ANK3: variants seen among roughly 807,000 people sequenced by gnomAD.
The protein encoded by ANK3 is ankyrin 3.
In ANK3, 57 loss-of-function variants were observed where a neutral mutation model predicts 370.9. That is an observed-to-expected ratio of 0.15 (90% CI 0.12 to 0.19). ANK3 has a LOEUF of 0.19. ANK3 is among the 10% of genes least tolerant of loss of function. The probability of loss-of-function intolerance (pLI) is 1.00; values close to 1 mark genes in which losing one functional copy is unlikely to be tolerated. For missense variants in ANK3, 4,439 were observed against 5,302.1 expected (o/e 0.84, Z 5.06); for synonymous variants, 1,929 against 1,946.3 (o/e 0.99, Z 0.23).
intron 2 of ANK3, among the ~76,000 whole-genome samples, chr10:60,576,202 T>A (rs949277848): frequency 6.6e-6 from 1 of 152,212 alleles, no homozygotes; most frequent in East Asian, 1.9e-4. Flanking sequence ...TGGATTATAA[T>A]GTTCCCACAC....
chr10:60,070,858 A>G lies in ANK3; in HGVS notation c.10023T>C (p.Asp3341=), dbSNP rs1368608421. 5.0e-6 allele frequency: 8 copies of G among 1,613,996 alleles called. No individual in the cohort carries two copies. The South Asian group carries it at 7.7e-5, about 16-fold the overall frequency. ...AAGCTTTGGGTTTTTCTTTTTGTTC[A>G]TCGTCCACTTCCTTTAATTTGAAGG... The part of the protein sequence containing the change: ...KYTFKLKEVD[D]EQKEKPKASA... Residue 3341 remains aspartate, a synonymous_variant, in exon 37 of 44, where the codon GAT becomes GAC. Transcript: ENST00000280772. The surrounding 1 kb of genome is among the most constrained non-coding windows in gnomAD (Gnocchi z 5.7).
intron 42 of ANK3, chr10:60,043,614 C>T (rs2076478725): frequency 5.1e-5 from 50 of 985,298 alleles, no homozygotes; most frequent in Non-Finnish European, 5.9e-5. Context: ...GCAGAACATA[C>T]TGGAAAGAGA....
At chr10:60,046,944 C>CT in intron 42 of ANK3, among the ~76,000 whole-genome samples, 1 of 151,820 alleles carries the variant, frequency 6.6e-6, no homozygotes, top group East Asian at 1.9e-4. Flanking sequence ...GTAGCTGGGA[C>CT]TACAGGCGCC....
intron 2 of ANK3, among the ~76,000 whole-genome samples, chr10:60,425,720 C>T (rs1474532798): frequency 1.3e-5 from 2 of 152,116 alleles, no homozygotes; most frequent in Non-Finnish European, 2.9e-5. Flanking sequence ...ATGGGCTCCT[C>T]TGGCATGACA....
intron 40 of ANK3, 90 bp downstream of exon 40, chr10:60,063,021 G>C (rs1199588253): frequency 1.8e-5 from 23 of 1,306,928 alleles, no homozygotes; most frequent in African/African-American, 4.4e-5. Context: ...GCAAATCACA[G>C]TTTAGTTGCT....
intron 2 of ANK3, among the ~76,000 whole-genome samples, chr10:60,572,180 G>A (rs939180517): frequency 3.3e-5 from 5 of 152,150 alleles, no homozygotes; most frequent in Admixed American, 2.6e-4. Context: ...TAATTAGGAC[G>A]TGTTTACTTA....
At chr10:60,674,297 G>T (rs1225369182) in intron 1 of ANK3, among the ~76,000 whole-genome samples, 1 of 152,048 alleles carries the variant, frequency 6.6e-6, no homozygotes, top group Non-Finnish European at 1.5e-5. Flanking sequence ...AAGAAAAGAG[G>T]TTTATTTGGC....
chr10:60,212,631 C>T (rs2096874652), intron 9 of ANK3, among the ~76,000 whole-genome samples: 2 of 152,126 alleles, frequency 1.3e-5, no homozygotes, highest in African/African-American at 4.8e-5. Context: ...CCATCTCAAC[C>T]CTGTCTAGCC....
intron 1 of ANK3, among the ~76,000 whole-genome samples, chr10:60,674,631 T>A (rs1264503869): frequency 2.0e-5 from 3 of 152,052 alleles, no homozygotes; most frequent in African/African-American, 7.2e-5. Flanking sequence ...GAGACAAACA[T>A]CCAAACCATA....
At chr10:60,258,859 C>A (rs1294475504) in intron 7 of ANK3, among the ~76,000 whole-genome samples, 1 of 152,206 alleles carries the variant, frequency 6.6e-6, no homozygotes, top group Non-Finnish European at 1.5e-5. Flanking sequence ...CCCCCCAAGA[C>A]AAAGGGTGCT....
chr10:60,498,646 C>A (rs1189474269), intron 2 of ANK3, among the ~76,000 whole-genome samples: 1 of 152,212 alleles, frequency 6.6e-6, no homozygotes, highest in African/African-American at 2.4e-5. Flanking sequence ...CCATCTTGGC[C>A]TCCCAAAGTG....
At chr10:60,592,338 G>A (rs754783063) in intron 2 of ANK3, among the ~76,000 whole-genome samples, 1 of 152,164 alleles carries the variant, frequency 6.6e-6, no homozygotes, top group Non-Finnish European at 1.5e-5. Context: ...GAATGTATAG[G>A]ACAATGAATT....
chr10:60,389,729 C>A lies in ANK3; in HGVS notation c.-191G>T. 1 of 1,427,028 alleles carries A rather than the reference C, an allele frequency of 7.0e-7. No individual in the cohort carries two copies. The highest frequency in any genetic ancestry group is 9.1e-7 in the Non-Finnish European group (1 of 1,096,748). 88.4% of individuals were successfully genotyped at this position (1,427,028 alleles called of 1,614,324 possible). A position where few individuals can be genotyped will look rare whatever the true frequency, so the allele number is the denominator to read the frequency against. On this transcript the variant is annotated 5_prime_UTR_variant, in exon 1 of 44. Transcript: ENST00000280772. ...CTTTTAAAAACCCAAATGATGGTGT[C>A]CGGACTTCATCCTACACCTTCCTCT...
At chr10:60,724,639 TC>T (rs1378940411) in intron 1 of ANK3, among the ~76,000 whole-genome samples, 1 of 152,226 alleles carries the variant, frequency 6.6e-6, no homozygotes, top group African/African-American at 2.4e-5. Flanking sequence ...GTCTCTATTA[TC>T]CAAAACGCAA....
intron 25 of ANK3, among the ~76,000 whole-genome samples, chr10:60,119,256 C>T (rs1194469010): frequency 6.6e-6 from 1 of 152,190 alleles, no homozygotes; most frequent in Non-Finnish European, 1.5e-5. Flanking sequence ...TTCAATGGAA[C>T]CTACGGTTTT....
At position 60,650,202 on chromosome 10, in the gene ANK3, G is replaced by A. The variant is rs867923338; in HGVS notation, c.58-34978C>T. 2.0e-5 allele frequency among the ~76,000 whole-genome samples: 3 copies of A among 152,220 alleles called. 1 individual carries two copies. The highest frequency in any genetic ancestry group is 4.2e-4 in the South Asian group (2 of 4,812). ...GAAGGGATCAACAAACAGTGGCAAGGGGCCAAATCCAGCCTGTTACCTGTT... is the reference window on the plus strand; with the variant it reads ...GAAGGGATCAACAAACAGTGGCAAGAGGCCAAATCCAGCCTGTTACCTGTT... On this transcript the variant is annotated intron_variant, in intron 1 of 43. Coordinates refer to the ANK3 transcript ENST00000373827.
intron 42 of ANK3, among the ~76,000 whole-genome samples, chr10:60,049,406 G>GTGAAACCCCATCTCTATT (rs1381054361): frequency 6.6e-6 from 1 of 152,190 alleles, no homozygotes; most frequent in African/African-American, 2.4e-5. Flanking sequence ...GGCCAACATG[G>GTGAAACCCCATCTCTATT]TGAAACCCCA....
intron 2 of ANK3, among the ~76,000 whole-genome samples, chr10:60,611,510 A>G (rs1236462384): frequency 1.3e-5 from 2 of 151,850 alleles, no homozygotes; most frequent in Non-Finnish European, 2.9e-5. Context: ...AAAATCACCC[A>G]CCCACTTTTA....
chr10:60,550,496 C>T (rs1009715213), intron 2 of ANK3, among the ~76,000 whole-genome samples: 2 of 151,888 alleles, frequency 1.3e-5, no homozygotes, highest in African/African-American at 2.4e-5. Context: ...GTCTAAAACA[C>T]TAAAAAGAAT....
Sources: allele counts gnomAD v4.1 joint callset (sites outside exome capture counted in the v4.1 genomes callset), GRCh38; gene constraint gnomAD v4.1.1; non-coding constraint Gnocchi (gnomAD v3.1); transcripts MANE v1.5; gene names NCBI Gene and HGNC (gene_info 2026-07-23, HGNC 2026-07-21).